The following LPCAT1 variants were observed in gnomAD, a reference collection of about 807,000 sequenced individuals.
LPCAT1 encodes lysophosphatidylcholine acyltransferase 1, also known as 1-acylglycerol-3-phosphate O-acyltransferase.
A neutral mutation model predicts 60.9 loss-of-function variants in LPCAT1; 23 were observed. That is an observed-to-expected ratio of 0.38 (90% CI 0.27 to 0.53). The LOEUF (loss-of-function observed/expected upper bound fraction) is 0.53, where lower values mean the gene tolerates loss of function less well. Ranked by LOEUF, LPCAT1 falls within the 20% of genes least tolerant of loss-of-function variation. The pLI is 0.82. For missense variants in LPCAT1, 622 were observed against 723.6 expected (o/e 0.86, Z 1.61); for synonymous variants, 340 against 301.1 (o/e 1.13, Z -1.34).
intron 1 of LPCAT1, among the ~76,000 whole-genome samples, chr5:1,519,077 C>T (rs111994208): frequency 1.3e-5 from 2 of 152,224 alleles, no homozygotes; most frequent in South Asian, 2.1e-4. Flanking sequence ...GGCACAGATG[C>T]GTGCTGACAA....
intron 1 of LPCAT1, among the ~76,000 whole-genome samples, chr5:1,514,349 C>T (rs1036908100): frequency 3.3e-5 from 5 of 152,208 alleles, no homozygotes; most frequent in African/African-American, 9.6e-5. Context: ...GAGGGGCCAT[C>T]GCAGGTGCAC....
intron 5 of LPCAT1, among the ~76,000 whole-genome samples, chr5:1,485,396 G>C (rs538766059): frequency 1.3e-5 from 2 of 152,318 alleles, no homozygotes; most frequent in Admixed American, 1.3e-4. Context: ...CAAGGGCCAG[G>C]CTGGGAGAAA....
intron 1 of LPCAT1, among the ~76,000 whole-genome samples, chr5:1,520,348 C>T (rs899050417): frequency 6.6e-6 from 1 of 152,132 alleles, no homozygotes; most frequent in African/African-American, 2.4e-5. Flanking sequence ...TGCAGGGCCA[C>T]CAGGCAGGGA....
intron 11 of LPCAT1, among the ~76,000 whole-genome samples, chr5:1,473,754 TA>T (rs1734784211): frequency 6.6e-6 from 1 of 152,186 alleles, no homozygotes; most frequent in Non-Finnish European, 1.5e-5. Context: ...CAGTGAAGGG[TA>T]ATTTAAACGT....
chr5:1,500,596 A>T (rs1174907350), intron 2 of LPCAT1, among the ~76,000 whole-genome samples: 1 of 151,968 alleles, frequency 6.6e-6, no homozygotes, highest in African/African-American at 2.4e-5. Flanking sequence ...GCGGGGAAGG[A>T]CCCGAGCCTC....
In LPCAT1 at chr5:1,523,926, G is replaced by C; in HGVS notation, c.-82C>G. 1.1e-6 allele frequency: 1 copy of C among 940,372 alleles called. No homozygotes were observed. Among genetic ancestry groups the C allele is most frequent in the Non-Finnish European group, 1.3e-6 (1 of 786,858 alleles). The allele number at this position is 940,372 out of a possible 1,614,324, so 58.3% of individuals were successfully genotyped here. A position where few individuals can be genotyped will look rare whatever the true frequency, so the allele number is the denominator to read the frequency against. On this transcript the variant is annotated 5_prime_UTR_variant, in exon 1 of 14. Coordinates refer to ENST00000283415, the MANE Select transcript of LPCAT1 (RefSeq NM_024830.5). The surrounding 1 kb of genome is among the most constrained non-coding windows in gnomAD (Gnocchi z 7.1). Reference sequence around the variant, plus strand: ...GGGGCTAGCTGGGCGCGGGTCTCGGGGCGCGGGCCGAGGATGCGCGGCGGC... The same window carrying C: ...GGGGCTAGCTGGGCGCGGGTCTCGGCGCGCGGGCCGAGGATGCGCGGCGGC...
intron 6 of LPCAT1, among the ~76,000 whole-genome samples, chr5:1,482,672 A>G (rs1579776223): frequency 7.4e-5 from 3 of 40,294 alleles, no homozygotes; most frequent in Non-Finnish European, 1.5e-4. Context: ...GGATGGGGGG[A>G]GTAGGGTGGG....
Position 1,480,802 on chromosome 5 carries a change from C to T in LPCAT1, c.761+140G>A. The T allele has an allele frequency of 9.5e-7, 1 of 1,052,856 alleles. No individual in the cohort carries two copies. The highest frequency in any genetic ancestry group is 1.5e-6 in the Non-Finnish European group (1 of 677,356). 65.2% of individuals were successfully genotyped at this position (1,052,856 alleles called of 1,614,324 possible). On this transcript the variant is annotated intron_variant, in intron 7 of 13. Transcript: ENST00000283415. The surrounding 1 kb of genome is among the most constrained non-coding windows in gnomAD (Gnocchi z 6.4). ...GGGCCACATCTGTACGTTTAGTTTT[C>T]ACAATGGGCTGAACCTAACGGCTGT... is the stretch of plus-strand genomic sequence containing the variant.
intron 3 of LPCAT1, among the ~76,000 whole-genome samples, chr5:1,490,896 G>A (rs1419617693): frequency 6.6e-6 from 1 of 152,110 alleles, no homozygotes; most frequent in Non-Finnish European, 1.5e-5. Context: ...CCAACTGAAG[G>A]TGTCTCTGAC....
In LPCAT1 at chr5:1,521,313, C is replaced by T. The variant is rs148112022; in HGVS notation, c.135+2397G>A. ...AAGACACACAGCAGCCCCTCCCAGG[C>T]GGCAAATGCTCACAGGTAAATGCAG... On this transcript the variant is annotated intron_variant, in intron 1 of 13. Coordinates refer to ENST00000283415, the MANE Select transcript of LPCAT1 (RefSeq NM_024830.5). The surrounding 1 kb of genome is among the most constrained non-coding windows in gnomAD (Gnocchi z 4.3). The T allele has an allele frequency of 2.9e-5, 29 of 985,220 alleles. No homozygotes were observed. The East Asian group carries it at 6.8e-4, about 23-fold the overall frequency. The allele number at this position is 985,220 out of a possible 1,614,324, so 61.0% of individuals were successfully genotyped here. A position where few individuals can be genotyped will look rare whatever the true frequency, so the allele number is the denominator to read the frequency against.
chr5:1,468,070 G>T (rs1490157349), intron 12 of LPCAT1, among the ~76,000 whole-genome samples: 1 of 152,068 alleles, frequency 6.6e-6, no homozygotes, highest in East Asian at 1.9e-4. Flanking sequence ...GCTCCTCCTT[G>T]CGGTGCTCAG....
chr5:1,499,980 C>T (rs937448220), intron 2 of LPCAT1, among the ~76,000 whole-genome samples: 12 of 152,248 alleles, frequency 7.9e-5, no homozygotes, highest in African/African-American at 2.2e-4. Context: ...TTACACCTTT[C>T]GGAGGCCAGG....
intron 1 of LPCAT1, among the ~76,000 whole-genome samples, chr5:1,506,578 A>T (rs1736194167): frequency 6.6e-6 from 1 of 152,236 alleles, no homozygotes; most frequent in Non-Finnish European, 1.5e-5. Context: ...GCAGAGAGAG[A>T]AGCTGGCTGG....
intron 1 of LPCAT1, among the ~76,000 whole-genome samples, chr5:1,507,099 T>G (rs1425617165): frequency 6.6e-6 from 1 of 151,996 alleles, no homozygotes; most frequent in Non-Finnish European, 1.5e-5. Flanking sequence ...AGAGGCTGAA[T>G]GCGGAGAGGG....
chr5:1,468,149 G>A (rs556915378), intron 12 of LPCAT1, among the ~76,000 whole-genome samples: 1 of 152,112 alleles, frequency 6.6e-6, no homozygotes, highest in Admixed American at 6.5e-5. Flanking sequence ...CCTCTTCCCG[G>A]GGCTCTGCCT....
chr5:1,483,558 T>C lies in LPCAT1; in HGVS notation c.668-72A>G, dbSNP rs377594752. On this transcript the variant is annotated intron_variant, in intron 5 of 13. Coordinates refer to ENST00000283415, the MANE Select transcript of LPCAT1 (RefSeq NM_024830.5). This position sits in a 1 kb window ranked among gnomAD's most constrained non-coding sequence, Gnocchi z 9.2. ...ACAGCGTCTGCTGCGTTTCTCATGC[T>C]GCCCTTGGGATAAAAGTGAGCTTTT... is the stretch of plus-strand genomic sequence containing the variant. 98 of 1,505,480 alleles carry C rather than the reference T, an allele frequency of 6.5e-5. No individual in the cohort carries two copies. In the African/African-American group the frequency reaches 1.3e-3, roughly 20 times the overall value. 93.3% of individuals were successfully genotyped at this position (1,505,480 alleles called of 1,614,324 possible).
At chr5:1,513,773 G>A (rs13180337) in intron 1 of LPCAT1, among the ~76,000 whole-genome samples, 27,152 of 116,816 alleles carry the variant, frequency 0.23, 4,849 homozygotes, top group Non-Finnish European at 0.3. Flanking sequence ...CCCGTGGGGC[G>A]GGACACCCTG....
chr5:1,468,156 G>A (rs1034579863), intron 12 of LPCAT1, among the ~76,000 whole-genome samples: 3 of 152,164 alleles, frequency 2.0e-5, no homozygotes, highest in African/African-American at 7.2e-5. Context: ...CCGGGGCTCT[G>A]CCTCTACCCC....
intron 12 of LPCAT1, among the ~76,000 whole-genome samples, chr5:1,468,742 G>A (rs912594271): frequency 2.0e-5 from 3 of 152,252 alleles, no homozygotes; most frequent in Non-Finnish European, 2.9e-5. Flanking sequence ...GGTGCGCTGC[G>A]CATCCGGAGT....
Sources: allele counts gnomAD v4.1 joint callset (sites outside exome capture counted in the v4.1 genomes callset), GRCh38; gene constraint gnomAD v4.1.1; non-coding constraint Gnocchi (gnomAD v3.1); transcripts MANE v1.5; gene names NCBI Gene and HGNC (gene_info 2026-07-23, HGNC 2026-07-21).